Variants in SLIT3 observed in about 807,000 individuals in gnomAD.
The protein encoded by SLIT3 is slit homolog 3 protein.
In SLIT3, 68 loss-of-function variants were observed where a neutral mutation model predicts 184.0. The observed-to-expected ratio is 0.37, with a 90% confidence interval of 0.30 to 0.45. The LOEUF is 0.45. Ranked by LOEUF, SLIT3 falls within the 20% of genes least tolerant of loss-of-function variation. SLIT3 has a pLI of 1.00. For missense variants in SLIT3, 1,707 were observed against 2,026.0 expected (o/e 0.84, Z 3.02); for synonymous variants, 831 against 828.6 (o/e 1.00, Z -0.05).
intron 7 of SLIT3, among the ~76,000 whole-genome samples, chr5:168,820,962 A>G (rs1757510468): frequency 6.6e-6 from 1 of 151,646 alleles, no homozygotes; most frequent in Non-Finnish European, 1.5e-5. Flanking sequence ...GTCCCCCCCA[A>G]CCCCATACAC....
chr5:169,279,709 C>A (rs922162600), intron 1 of SLIT3, among the ~76,000 whole-genome samples: 1 of 152,244 alleles, frequency 6.6e-6, no homozygotes, highest in East Asian at 1.9e-4. Flanking sequence ...GCACAAGAGG[C>A]AGAATGCTTA....
Position 169,005,647 on chromosome 5 carries a change from A to G in SLIT3, c.414-122311T>C, listed in dbSNP as rs1377971401. 2.0e-5 allele frequency among the ~76,000 whole-genome samples: 3 copies of G among 152,260 alleles called. No homozygotes were observed. In the East Asian group the frequency reaches 5.8e-4, roughly 29 times the overall value. The stretch of plus-strand genomic sequence containing the variant: ...ATCCCTACTTTCATCTTTCAGCTAC[A>G]TAATCAGGATATAGCAAAGGACACA... On this transcript the variant is annotated intron_variant, in intron 4 of 35. Transcript: ENST00000519560.
At chr5:169,193,247 A>G (rs1763617971) in intron 4 of SLIT3, among the ~76,000 whole-genome samples, 1 of 152,198 alleles carries the variant, frequency 6.6e-6, no homozygotes, top group African/African-American at 2.4e-5. Context: ...ACTACCACAC[A>G]TCACTAGTCC....
intron 5 of SLIT3, among the ~76,000 whole-genome samples, chr5:168,880,338 C>G (rs1432112774): frequency 6.6e-6 from 1 of 152,230 alleles, no homozygotes; most frequent in Non-Finnish European, 1.5e-5. Context: ...AGTCAAGGCT[C>G]TCCAGCAACC....
chr5:168,764,328 T>C (rs1561919717), intron 14 of SLIT3, among the ~76,000 whole-genome samples: 2 of 152,190 alleles, frequency 1.3e-5, no homozygotes, highest in African/African-American at 4.8e-5. Context: ...ATTTAATCCT[T>C]GCAACACTCT....
chr5:168,869,715 G>T (rs1427536727), intron 5 of SLIT3, among the ~76,000 whole-genome samples: 1 of 152,176 alleles, frequency 6.6e-6, no homozygotes, highest in Non-Finnish European at 1.5e-5. Flanking sequence ...ATGCTAATTA[G>T]CTGGGAAATC....
intron 4 of SLIT3, among the ~76,000 whole-genome samples, chr5:168,929,694 C>A (rs1328322619): frequency 1.3e-5 from 2 of 152,200 alleles, no homozygotes; most frequent in African/African-American, 4.8e-5. Flanking sequence ...CCTGAGAAGT[C>A]TATTTGTACA....
intron 2 of SLIT3, among the ~76,000 whole-genome samples, chr5:169,246,660 C>T (rs996276790): frequency 2.0e-5 from 3 of 152,088 alleles, no homozygotes; most frequent in African/African-American, 4.8e-5. Context: ...GTAGCTTACT[C>T]CTGTAATACC....
At chr5:168,689,066 C>G (rs1409912992) in intron 29 of SLIT3, among the ~76,000 whole-genome samples, 1 of 152,178 alleles carries the variant, frequency 6.6e-6, no homozygotes, top group Admixed American at 6.5e-5. Context: ...CTACAGCCCT[C>G]TCAATACCAG....
In SLIT3 at chr5:169,214,238, C is replaced by T. The variant is rs75247764; in HGVS notation, c.342-20688G>A. On this transcript the variant is annotated intron_variant, in intron 3 of 35. Transcript: ENST00000519560. ...TGGTTCCAAGTAAGTTGACAACACC[C>T]GCTTCATGGAGAGCCCATCAAGGGG... Among the ~76,000 whole-genome samples, 38 of 152,302 alleles carry T rather than the reference C, an allele frequency of 2.5e-4. No individual in the cohort carries two copies. In the East Asian group the frequency reaches 3.3e-3, roughly 13 times the overall value.
At position 168,913,753 on chromosome 5, in the gene SLIT3, C is replaced by CAA. The variant is rs758320799; in HGVS notation, c.414-30419_414-30418dup. ...TAAAACTCCGTCTCAAAAAAAAAAACAAACAAACAAAAACAAACAAACAAA... is the reference window on the plus strand; with the variant it reads ...TAAAACTCCGTCTCAAAAAAAAAAACAAAAACAAACAAAAACAAACAAACAAA... On this transcript the variant is annotated intron_variant, in intron 4 of 35. Coordinates refer to ENST00000519560, the MANE Select transcript of SLIT3 (RefSeq NM_003062.4). Among the ~76,000 whole-genome samples, 8 of 144,846 alleles carry CAA rather than the reference C, an allele frequency of 5.5e-5. 2 individuals are homozygous for CAA. Among genetic ancestry groups the CAA allele is most frequent in the Admixed American group, 4.8e-4 (7 of 14,548 alleles).
Position 168,700,611 on chromosome 5 carries a change from G to T in SLIT3, c.2913C>A (p.His971Gln). 2 of 1,614,160 alleles carry T rather than the reference G, an allele frequency of 1.2e-6. No homozygotes were observed. Among genetic ancestry groups the T allele is most frequent in the Non-Finnish European group, 1.7e-6 (2 of 1,180,006 alleles). Reference protein sequence around the residue: ...QNPCQHGGTCHLSDSHKDGFS... With the variant: ...QNPCQHGGTCQLSDSHKDGFS... ...ACCCATCCTTGTGGCTGTCACTCAG[G>T]TGGCAGGTGCCTCCATGCTGACAGG... Residue 971 changes from histidine to glutamine, a missense_variant, in exon 27 of 36, where the codon CAC (histidine) becomes CAA (glutamine). Physicochemically the swap from His to Gln is conservative, Grantham distance 24. Coordinates refer to ENST00000519560, the MANE Select transcript of SLIT3 (RefSeq NM_003062.4).
rs577462476 is a variant in SLIT3 at position 168,819,531 on chromosome 5, G to A, written c.630-2068C>T. Among the ~76,000 whole-genome samples, 19 of 152,294 alleles carry A rather than the reference G, an allele frequency of 1.2e-4. 1 individual carries two copies. Among genetic ancestry groups the A allele is most frequent in the African/African-American group, 3.6e-4 (15 of 41,562 alleles). ...TGGTTGCCCTCTTGTGCAGTGAGGC[G>A]CGGAAGCTGAGGCAACAGGGATTCT... On this transcript the variant is annotated intron_variant, in intron 7 of 35. Coordinates refer to ENST00000519560, the MANE Select transcript of SLIT3 (RefSeq NM_003062.4).
intron 1 of SLIT3, among the ~76,000 whole-genome samples, chr5:169,267,780 A>G (rs1766452187): frequency 6.6e-6 from 1 of 152,194 alleles, no homozygotes; most frequent in Non-Finnish European, 1.5e-5. Context: ...GTTGCCCACC[A>G]TGTCTTTGTT....
intron 6 of SLIT3, among the ~76,000 whole-genome samples, chr5:168,838,715 G>A (rs1758141800): frequency 6.6e-6 from 1 of 152,100 alleles, no homozygotes; most frequent in Non-Finnish European, 1.5e-5. Context: ...GACTGCTGTC[G>A]ATTTTTTTCC....
intron 9 of SLIT3, among the ~76,000 whole-genome samples, chr5:168,801,925 C>A (rs528305919): frequency 6.6e-6 from 1 of 151,894 alleles, no homozygotes. Context: ...AGAGAGTCTG[C>A]GAGACTGTTT....
At chr5:169,192,256 C>T (rs1029795630) in intron 4 of SLIT3, among the ~76,000 whole-genome samples, 7 of 152,080 alleles carry the variant, frequency 4.6e-5, no homozygotes, top group East Asian at 1.9e-4. Flanking sequence ...TCAGCTAGGG[C>T]GACTGAGCCA....
intron 4 of SLIT3, among the ~76,000 whole-genome samples, chr5:169,041,389 C>T (rs1250105708): frequency 2.0e-5 from 3 of 152,080 alleles, no homozygotes; most frequent in South Asian, 2.1e-4. Context: ...TGATGAGTGC[C>T]GGATGGAGCC....
In SLIT3 at chr5:168,867,129, C is replaced by A. The variant is rs76558290; in HGVS notation, c.485+16136G>T. Among the ~76,000 whole-genome samples, 1,404 of 152,288 alleles carry A rather than the reference C, an allele frequency of 9.2e-3. 18 individuals are homozygous for A. The highest frequency in any genetic ancestry group is 0.031 in the African/African-American group (1,298 of 41,562). ...GTTAGTTGCTAACAGGGCTCAGGAA[C>A]CTGCATTCTAAATAAGGTCTGGGAG... is the stretch of plus-strand genomic sequence containing the variant. On this transcript the variant is annotated intron_variant, in intron 5 of 35. Coordinates refer to ENST00000519560, the MANE Select transcript of SLIT3 (RefSeq NM_003062.4).
Sources: allele counts gnomAD v4.1 joint callset (sites outside exome capture counted in the v4.1 genomes callset), GRCh38; gene constraint gnomAD v4.1.1; transcripts MANE v1.5; gene names NCBI Gene and HGNC (gene_info 2026-07-23, HGNC 2026-07-21).